RAD54L2: variants seen among roughly 807,000 people sequenced by gnomAD.
The protein encoded by RAD54L2 is helicase ARIP4.
Under a neutral mutation model 138.4 loss-of-function variants are expected in RAD54L2, and 27 were observed. That is an observed-to-expected ratio of 0.20 (90% CI 0.14 to 0.27). RAD54L2 has a LOEUF of 0.27. Among genes scored for constraint, RAD54L2 ranks in the 10% least tolerant of loss-of-function variants. The probability of loss-of-function intolerance (pLI) is 1.00; values close to 1 mark genes in which losing one functional copy is unlikely to be tolerated. For missense variants in RAD54L2, 1,396 were observed against 1,890.2 expected (o/e 0.74, Z 4.85); for synonymous variants, 644 against 723.2 (o/e 0.89, Z 1.76).
At chr3:51,653,918 ACT>A (rs1319465774) in intron 19 of RAD54L2, among the ~76,000 whole-genome samples, 4 of 152,354 alleles carry the variant, frequency 2.6e-5, no homozygotes, top group Non-Finnish European at 4.4e-5. Context: ...GTACCCTGGA[ACT>A]TAAAGTATAA....
At position 51,592,789 on chromosome 3, in the gene RAD54L2, G is replaced by T. The variant is rs143059920; in HGVS notation, c.139+2230G>T. Among the ~76,000 whole-genome samples, 678 of 152,120 alleles carry T rather than the reference G, an allele frequency of 4.5e-3. 9 individuals are homozygous for T. Among genetic ancestry groups the T allele is most frequent in the African/African-American group, 0.014 (576 of 41,526 alleles). ...AGGGTTTCACCATTTTGGCCAGGCT[G>T]GTCTTGAACTCCTGACCTCAGGTGA... On this transcript the variant is annotated intron_variant, in intron 3 of 22. Transcript: ENST00000684192.
chr3:51,597,519 G>A (rs556325031), intron 3 of RAD54L2, among the ~76,000 whole-genome samples: 2 of 152,104 alleles, frequency 1.3e-5, no homozygotes, highest in African/African-American at 2.4e-5. Context: ...ATTCACATAC[G>A]TTTTTTGAGA....
At chr3:51,641,477 C>T (rs921834025) in intron 14 of RAD54L2, among the ~76,000 whole-genome samples, 5 of 151,938 alleles carry the variant, frequency 3.3e-5, no homozygotes, top group African/African-American at 1.2e-4. Context: ...CCACCACACC[C>T]AGCTAATTTT....
intron 22 of RAD54L2, among the ~76,000 whole-genome samples, chr3:51,660,858 G>T (rs1022219777): frequency 1.7e-4 from 26 of 151,714 alleles, no homozygotes; most frequent in Admixed American, 1.5e-3. Flanking sequence ...CTGACCTCGG[G>T]ATCCGCCTGC....
At chr3:51,624,096 A>G (rs1251820771) in intron 3 of RAD54L2, among the ~76,000 whole-genome samples, 1 of 152,094 alleles carries the variant, frequency 6.6e-6, no homozygotes, top group Non-Finnish European at 1.5e-5. Flanking sequence ...TGTAAAAAAC[A>G]ATCCATACCT....
At position 51,566,199 on chromosome 3, in the gene RAD54L2, T is replaced by C. The variant is rs370934090; in HGVS notation, c.-54-24168T>C. On this transcript the variant is annotated intron_variant, in intron 2 of 22. Transcript: ENST00000684192. Reference sequence around the variant, plus strand: ...TGAAATAATGTAATCCTTGACTCTTTACAGTTTTCTTTCTTTGTTCCAGTC... The same window carrying C: ...TGAAATAATGTAATCCTTGACTCTTCACAGTTTTCTTTCTTTGTTCCAGTC... 1.1e-4 allele frequency among the ~76,000 whole-genome samples: 16 copies of C among 152,300 alleles called. No homozygotes were observed. The South Asian group carries it at 3.3e-3, about 32-fold the overall frequency.
At chr3:51,581,465 C>G (rs751185704) in intron 2 of RAD54L2, among the ~76,000 whole-genome samples, 4 of 152,198 alleles carry the variant, frequency 2.6e-5, no homozygotes, top group Admixed American at 1.3e-4. Flanking sequence ...TGTTGAAATG[C>G]TACTTCCACA....
intron 3 of RAD54L2, among the ~76,000 whole-genome samples, chr3:51,607,828 C>T (rs1243617123): frequency 1.3e-5 from 2 of 150,076 alleles, no homozygotes; most frequent in Non-Finnish European, 3.0e-5. Flanking sequence ...ACCTCCCAGA[C>T]GGGGCGGCTG....
intron 2 of RAD54L2, among the ~76,000 whole-genome samples, chr3:51,570,749 C>G (rs959119960): frequency 6.6e-5 from 10 of 152,168 alleles, no homozygotes; most frequent in Admixed American, 5.9e-4. Context: ...GCCACCGGTG[C>G]CCAGCCCTAT....
intron 9 of RAD54L2, among the ~76,000 whole-genome samples, chr3:51,634,823 A>G (rs1700943396): frequency 6.6e-6 from 1 of 152,260 alleles, no homozygotes; most frequent in African/African-American, 2.4e-5. Context: ...AGATTTAAAT[A>G]AAATTATCTA....
chr3:51,600,015 A>G (rs181142819), intron 3 of RAD54L2, among the ~76,000 whole-genome samples: 2 of 151,202 alleles, frequency 1.3e-5, no homozygotes, highest in Admixed American at 1.3e-4. Context: ...TGCAACCTCC[A>G]CCTCCTGGGT....
chr3:51,636,801 C>T (rs1700992135), intron 10 of RAD54L2, among the ~76,000 whole-genome samples: 3 of 152,042 alleles, frequency 2.0e-5, no homozygotes, highest in East Asian at 1.9e-4. Flanking sequence ...GGCATGGTGG[C>T]GCATGCCTCT....
At chr3:51,598,119 G>GTGTA (rs1553682143) in intron 3 of RAD54L2, among the ~76,000 whole-genome samples, 4 of 146,144 alleles carry the variant, frequency 2.7e-5, no homozygotes, top group African/African-American at 7.5e-5. Flanking sequence ...ATGTGTGTGT[G>GTGTA]TATATATATA....
At chr3:51,576,137 T>C (rs1205309402) in intron 2 of RAD54L2, among the ~76,000 whole-genome samples, 1 of 152,232 alleles carries the variant, frequency 6.6e-6, no homozygotes, top group East Asian at 1.9e-4. Flanking sequence ...TCTGTTTATA[T>C]GCTGGATTAC....
intron 2 of RAD54L2, among the ~76,000 whole-genome samples, chr3:51,575,480 G>A (rs1699458852): frequency 6.6e-6 from 1 of 152,224 alleles, no homozygotes; most frequent in South Asian, 2.1e-4. Flanking sequence ...CTATCCATGA[G>A]CATGGAATGT....
At chr3:51,578,228 A>G (rs1699525246) in intron 2 of RAD54L2, among the ~76,000 whole-genome samples, 1 of 146,102 alleles carries the variant, frequency 6.8e-6, no homozygotes, top group Non-Finnish European at 1.5e-5. Flanking sequence ...TTGGAGGATT[A>G]TTTTACATAC....
intron 2 of RAD54L2, among the ~76,000 whole-genome samples, chr3:51,584,302 T>C (rs1699667893): frequency 6.6e-6 from 1 of 152,180 alleles, no homozygotes; most frequent in South Asian, 2.1e-4. Flanking sequence ...ATGCATTTGT[T>C]CACCTTTTGT....
At chr3:51,651,960 T>G (rs1396063766) in intron 19 of RAD54L2, among the ~76,000 whole-genome samples, 1 of 152,134 alleles carries the variant, frequency 6.6e-6, no homozygotes, top group Non-Finnish European at 1.5e-5. Flanking sequence ...GAGAAAGAAA[T>G]AAAGGGTATT....
At chr3:51,563,766 T>TA (rs1304549044) in intron 2 of RAD54L2, among the ~76,000 whole-genome samples, 1 of 152,212 alleles carries the variant, frequency 6.6e-6, no homozygotes, top group Non-Finnish European at 1.5e-5. Context: ...AGCCTGCAGA[T>TA]AATGAAAGTG....
Sources: allele counts gnomAD v4.1 joint callset (sites outside exome capture counted in the v4.1 genomes callset), GRCh38; gene constraint gnomAD v4.1.1; transcripts MANE v1.5; gene names NCBI Gene and HGNC (gene_info 2026-07-23, HGNC 2026-07-21).